PTPRT: variants seen among roughly 807,000 people sequenced by gnomAD.
PTPRT encodes the protein protein tyrosine phosphatase receptor type T.
A neutral mutation model predicts 176.8 loss-of-function variants in PTPRT; 56 were observed. The ratio of observed to expected loss-of-function variants is 0.32; its 90% CI spans 0.26 to 0.40. The LOEUF is 0.40. PTPRT is among the 10% of genes least tolerant of loss of function. The pLI is 1.00. For synonymous variants in PTPRT, 783 were observed against 739.0 expected (o/e 1.06, Z -0.96); for missense variants, 1,540 against 1,908.2 (o/e 0.81, Z 3.60).
chr20:42,658,277 T>C (rs1323410352), intron 7 of PTPRT, among the ~76,000 whole-genome samples: 1 of 152,228 alleles, frequency 6.6e-6, no homozygotes, highest in Non-Finnish European at 1.5e-5. Flanking sequence ...ACAGATTTTG[T>C]CAATTCATTA....
intron 6 of PTPRT, among the ~76,000 whole-genome samples, chr20:42,707,513 C>T (rs2146187797): frequency 6.6e-6 from 1 of 152,254 alleles, no homozygotes; most frequent in Non-Finnish European, 1.5e-5. Context: ...AGACAGGCTC[C>T]ATTTTTGGCT....
Position 42,625,706 on chromosome 20 carries a change from T to C in PTPRT, c.1153+52160A>G, listed in dbSNP as rs969248068. The stretch of plus-strand genomic sequence containing the variant: ...CATTATTAGAAACAACAAGTGGTGA[T>C]GGGCACAGGATCAACCAACACAATG... On this transcript the variant is annotated intron_variant, in intron 7 of 30. Coordinates refer to ENST00000373187, the MANE Select transcript of PTPRT (RefSeq NM_007050.6). 3.3e-5 allele frequency among the ~76,000 whole-genome samples: 5 copies of C among 152,008 alleles called. 1 individual carries two copies. The highest frequency in any genetic ancestry group is 1.2e-4 in the African/African-American group (5 of 41,412).
chr20:42,206,754 G>T (rs576582493), intron 15 of PTPRT, among the ~76,000 whole-genome samples: 3 of 152,346 alleles, frequency 2.0e-5, no homozygotes, highest in South Asian at 2.1e-4. Flanking sequence ...AAAGCAGCCC[G>T]GAAGCTCGAA....
At chr20:42,571,003 A>T (rs1190469757) in intron 7 of PTPRT, among the ~76,000 whole-genome samples, 1 of 152,150 alleles carries the variant, frequency 6.6e-6, no homozygotes, top group African/African-American at 2.4e-5. Flanking sequence ...CACTGCAACA[A>T]CCTAAGCCCC....
At chr20:42,976,388 T>C (rs1030484547) in intron 1 of PTPRT, among the ~76,000 whole-genome samples, 1 of 151,910 alleles carries the variant, frequency 6.6e-6, no homozygotes, top group Admixed American at 6.6e-5. Flanking sequence ...ATTTAAAGTA[T>C]AGTATGCATT....
rs1021063887 is a variant in PTPRT, at chr20:42,782,470, T to C, written c.487-2171A>G. 4.6e-5 allele frequency among the ~76,000 whole-genome samples: 7 copies of C among 152,218 alleles called. No homozygotes were observed. In the East Asian group the frequency reaches 9.6e-4, roughly 21 times the overall value. ...ATTCCTCCTCAAACCTTTTCCCTCA[T>C]TGACCAATAGTCTATTCTTTCTGAA... On this transcript the variant is annotated intron_variant, in intron 3 of 30. Coordinates refer to ENST00000373187, the MANE Select transcript of PTPRT (RefSeq NM_007050.6).
intron 7 of PTPRT, among the ~76,000 whole-genome samples, chr20:42,653,190 A>C (rs531636741): frequency 6.6e-6 from 1 of 152,216 alleles, no homozygotes; most frequent in East Asian, 1.9e-4. Context: ...TGGTTTTATA[A>C]GGGGCTTTTC....
chr20:42,848,392 C>G (rs1254631643), intron 2 of PTPRT, among the ~76,000 whole-genome samples: 1 of 152,156 alleles, frequency 6.6e-6, no homozygotes, highest in Non-Finnish European at 1.5e-5. Context: ...TTTAAGGAAC[C>G]TCCACACTGT....
chr20:42,137,526 C>T (rs1568962256), intron 18 of PTPRT, among the ~76,000 whole-genome samples: 1 of 152,204 alleles, frequency 6.6e-6, no homozygotes, highest in Admixed American at 6.5e-5. Flanking sequence ...GGAATATGTG[C>T]CACCCTACCC....
intron 7 of PTPRT, among the ~76,000 whole-genome samples, chr20:42,534,584 C>T (rs1450917649): frequency 2.0e-5 from 3 of 151,950 alleles, no homozygotes; most frequent in Non-Finnish European, 2.9e-5. Flanking sequence ...TGCAGTGAGC[C>T]GAGATCACGC....
chr20:42,604,102 C>T (rs1056754935), intron 7 of PTPRT, among the ~76,000 whole-genome samples: 1 of 152,192 alleles, frequency 6.6e-6, no homozygotes, highest in Admixed American at 6.5e-5. Context: ...TTGGCACATG[C>T]GGAGCCCATG....
intron 16 of PTPRT, among the ~76,000 whole-genome samples, chr20:42,169,561 C>A (rs1184827801): frequency 6.6e-6 from 1 of 152,020 alleles, no homozygotes; most frequent in Admixed American, 6.6e-5. Context: ...ACTAGTTGGA[C>A]AGTGAGGCAA....
intron 1 of PTPRT, among the ~76,000 whole-genome samples, chr20:42,948,854 C>T (rs1981053434): frequency 6.6e-6 from 1 of 152,190 alleles, no homozygotes; most frequent in Non-Finnish European, 1.5e-5. Flanking sequence ...AGGCCTGATT[C>T]AACTCTGAGC....
chr20:42,362,670 G>A (rs2058446380), intron 9 of PTPRT, among the ~76,000 whole-genome samples: 1 of 152,090 alleles, frequency 6.6e-6, no homozygotes, highest in African/African-American at 2.4e-5. Flanking sequence ...GTAGCTTAAA[G>A]TATCTATCAA....
At chr20:43,114,809 T>A (rs1539035) in intron 1 of PTPRT, among the ~76,000 whole-genome samples, 33,547 of 152,020 alleles carry the variant, frequency 0.22, 4,596 homozygotes, top group South Asian at 0.35. Context: ...ATTCACTAGG[T>A]TTTTAAAAAA....
intron 1 of PTPRT, among the ~76,000 whole-genome samples, chr20:43,158,927 C>A (rs1248589723): frequency 1.3e-5 from 2 of 152,176 alleles, no homozygotes; most frequent in African/African-American, 4.8e-5. Flanking sequence ...TAGCACAGCA[C>A]CTGGGACATA....
intron 15 of PTPRT, among the ~76,000 whole-genome samples, chr20:42,224,203 T>C (rs2055951653): frequency 6.6e-6 from 1 of 152,224 alleles, no homozygotes; most frequent in Non-Finnish European, 1.5e-5. Flanking sequence ...TAGAGGCTTC[T>C]GAACACACAT....
chr20:42,816,697 C>T (rs1024353093), intron 2 of PTPRT, among the ~76,000 whole-genome samples: 6 of 152,328 alleles, frequency 3.9e-5, no homozygotes, highest in East Asian at 1.9e-4. Context: ...GCTTCCCCCT[C>T]GCCTTCTGCC....
chr20:42,578,936 T>C (rs1325491898), intron 7 of PTPRT, among the ~76,000 whole-genome samples: 2 of 151,204 alleles, frequency 1.3e-5, no homozygotes, highest in Non-Finnish European at 2.9e-5. Context: ...ACTTTAAGTT[T>C]TAGGGTACAT....
Sources: allele counts gnomAD v4.1 joint callset (sites outside exome capture counted in the v4.1 genomes callset), GRCh38; gene constraint gnomAD v4.1.1; transcripts MANE v1.5; gene names NCBI Gene and HGNC (gene_info 2026-07-23, HGNC 2026-07-21).